Variants in AGO3 observed in about 807,000 individuals in gnomAD.
AGO3 encodes protein argonaute-3.
A neutral mutation model predicts 105.5 loss-of-function variants in AGO3; 16 were observed. The observed-to-expected ratio is 0.15, with a 90% confidence interval of 0.10 to 0.23. The LOEUF (loss-of-function observed/expected upper bound fraction) is 0.23, where lower values mean the gene tolerates loss of function less well. Among genes scored for constraint, AGO3 ranks in the 10% least tolerant of loss-of-function variants. The pLI is 1.00. For synonymous variants in AGO3, 340 were observed against 367.3 expected, an observed-to-expected ratio of 0.93 and a Z score of 0.85; for missense variants, 534 against 1,088.0, an observed-to-expected ratio of 0.49 and a Z score of 7.16.
intron 5 of AGO3, among the ~76,000 whole-genome samples, chr1:35,979,170 C>T (rs1647004912): frequency 1.3e-5 from 2 of 152,068 alleles, no homozygotes; most frequent in Non-Finnish European, 2.9e-5. Flanking sequence ...TGAGACCATC[C>T]TGGCTAACAC....
rs985675972 is a variant in AGO3, at chr1:36,040,122, A to C, written c.2037+138A>C. ...GTGTTTTGTTAGATTGTCTTTTTGA[A>C]AATGTTCACTACGAATGTGTATGCC... On this transcript the variant is annotated intron_variant, in intron 15 of 18. Coordinates refer to ENST00000373191, the MANE Select transcript of AGO3 (RefSeq NM_024852.4). 2.5e-6 allele frequency: 3 copies of C among 1,200,990 alleles called. No homozygotes were observed. In the African/African-American group the frequency reaches 4.6e-5, roughly 19 times the overall value. The allele number at this position is 1,200,990 out of a possible 1,614,324, so 74.4% of individuals were successfully genotyped here.
intron 5 of AGO3, among the ~76,000 whole-genome samples, chr1:35,989,132 A>C (rs950198762): frequency 3.9e-5 from 6 of 152,214 alleles, no homozygotes; most frequent in African/African-American, 1.4e-4. Flanking sequence ...GGAGGGATCC[A>C]TTGTAGTCTC....
rs780340958 is a variant in AGO3 at position 36,036,177 on chromosome 1, A to G, written c.1752A>G (p.Arg584=). The change falls in exon 14 of 19, where the codon AGA becomes AGG. Residue 584 remains arginine, a splice_region_variant and synonymous_variant. Transcript: ENST00000373191. ...GINNILVPHQ[R]PSVFQQPVIF... is the part of the protein sequence containing the mutation. ...AACCCTTTTTCAAAATGTGTTTAAG[A>G]CCTTCTGTGTTCCAGCAACCAGTGA... 3.1e-6 allele frequency: 5 copies of G among 1,613,970 alleles called. No homozygotes were observed. The Admixed American group carries it at 8.3e-5, about 27-fold the overall frequency.
chr1:35,935,504 T>A (rs1027465994), intron 1 of AGO3, among the ~76,000 whole-genome samples: 1 of 152,258 alleles, frequency 6.6e-6, no homozygotes, highest in African/African-American at 2.4e-5. Flanking sequence ...TTTGGAGAAT[T>A]GTATGTAATA....
chr1:35,971,154 A>G (rs1166005899), intron 3 of AGO3, among the ~76,000 whole-genome samples: 2 of 135,888 alleles, frequency 1.5e-5, no homozygotes, highest in African/African-American at 3.1e-5. Flanking sequence ...TATATAATAT[A>G]TATTTATTTT....
intron 6 of AGO3, 111 bp downstream of exon 6, chr1:36,004,586 A>G: frequency 1.1e-6 from 1 of 919,174 alleles, no homozygotes; most frequent in Non-Finnish European, 1.5e-6. Flanking sequence ...AACCAGTAAA[A>G]CTATACATCA....
chr1:36,030,050 G>C (rs1465114434), intron 12 of AGO3, among the ~76,000 whole-genome samples: 1 of 151,590 alleles, frequency 6.6e-6, no homozygotes, highest in Non-Finnish European at 1.5e-5. Context: ...AATAGAGTGT[G>C]GAAAATATTT....
At chr1:36,029,496 G>A (rs1017866666) in intron 12 of AGO3, among the ~76,000 whole-genome samples, 5 of 148,888 alleles carry the variant, frequency 3.4e-5, no homozygotes, top group South Asian at 2.1e-4. Flanking sequence ...CTGGGTTCAC[G>A]CCATTCTCCT....
chr1:36,061,118 G>C lies in AGO3; in HGVS notation c.*5373G>C, dbSNP rs1308730123. Reference sequence around the variant, plus strand: ...ATACTAAGAACATTCTTGATCCGTTGCAGTGTTAGAAATGACACTGTGATT... The same window carrying C: ...ATACTAAGAACATTCTTGATCCGTTCCAGTGTTAGAAATGACACTGTGATT... On this transcript the variant is annotated 3_prime_UTR_variant, in exon 19 of 19. Transcript: ENST00000373191. 1 of 152,236 alleles carries C rather than the reference G, an allele frequency of 6.6e-6. No homozygotes were observed. The highest frequency in any genetic ancestry group is 6.5e-5 in the Admixed American group (1 of 15,290). 9.4% of individuals were successfully genotyped at this position (152,236 alleles called of 1,614,324 possible).
At chr1:36,026,597 A>AC (rs1641515958) in intron 11 of AGO3, among the ~76,000 whole-genome samples, 3 of 152,348 alleles carry the variant, frequency 2.0e-5, no homozygotes. Context: ...CAGGAATAAT[A>AC]CCTGCCGTGC....
chr1:36,016,494 T>G (rs1263085652), intron 11 of AGO3, among the ~76,000 whole-genome samples: 1 of 152,196 alleles, frequency 6.6e-6, no homozygotes, highest in African/African-American at 2.4e-5. Context: ...GGTTACAGTT[T>G]ACGATGTTCA....
intron 17 of AGO3, among the ~76,000 whole-genome samples, chr1:36,050,786 T>TG (rs1642683074): frequency 7.2e-6 from 1 of 137,948 alleles, no homozygotes; most frequent in East Asian, 2.8e-4. Context: ...AGTGGGACTC[T>TG]ATCTCAAAAA....
In AGO3 at chr1:35,991,535, T is replaced by TTATATATA. The variant is rs138153778; in HGVS notation, c.659-12795_659-12788dup. On this transcript the variant is annotated intron_variant, in intron 5 of 18. Coordinates refer to ENST00000373191, the MANE Select transcript of AGO3 (RefSeq NM_024852.4). ...GAATAGGGTACCTGGGGAGCAAATT[T>TTATATATA]TATATATATATATATATAAAATATA... 7.8e-4 allele frequency among the ~76,000 whole-genome samples: 113 copies of TTATATATA among 145,752 alleles called. 1 individual carries two copies. The highest frequency in any genetic ancestry group is 2.8e-3 in the African/African-American group (111 of 39,926).
chr1:35,950,086 T>C (rs1646442950), intron 2 of AGO3, among the ~76,000 whole-genome samples: 2 of 152,122 alleles, frequency 1.3e-5, no homozygotes, highest in Non-Finnish European at 2.9e-5. Context: ...CTGCATGTGA[T>C]GGCGGGCGCC....
At chr1:36,046,419 C>T (rs1429107455) in intron 17 of AGO3, among the ~76,000 whole-genome samples, 1 of 151,930 alleles carries the variant, frequency 6.6e-6, no homozygotes, top group Non-Finnish European at 1.5e-5. Context: ...CGGCCAGGTG[C>T]GGTGGCTCAC....
At chr1:36,030,227 T>A (rs955374764) in intron 12 of AGO3, among the ~76,000 whole-genome samples, 6 of 152,084 alleles carry the variant, frequency 3.9e-5, no homozygotes, top group African/African-American at 1.4e-4. Flanking sequence ...ACAGGCCAGA[T>A]GCAGTGGCTT....
chr1:35,957,474 C>T (rs2148761172), intron 2 of AGO3, among the ~76,000 whole-genome samples: 1 of 151,826 alleles, frequency 6.6e-6, no homozygotes. Flanking sequence ...GCCTGTAATC[C>T]CAGCACTTTG....
chr1:35,941,650 C>G (rs541831226), intron 1 of AGO3, among the ~76,000 whole-genome samples: 1 of 152,102 alleles, frequency 6.6e-6, no homozygotes, highest in Non-Finnish European at 1.5e-5. Context: ...TAAAATGATT[C>G]CTTCCTTTAT....
At chr1:36,026,723 T>G (rs950277932) in intron 11 of AGO3, among the ~76,000 whole-genome samples, 7 of 152,194 alleles carry the variant, frequency 4.6e-5, no homozygotes, top group Non-Finnish European at 2.9e-5. Flanking sequence ...ATGATCTCAT[T>G]TAATCTTCAC....
Sources: allele counts gnomAD v4.1 joint callset (sites outside exome capture counted in the v4.1 genomes callset), GRCh38; gene constraint gnomAD v4.1.1; transcripts MANE v1.5; gene names NCBI Gene and HGNC (gene_info 2026-07-23, HGNC 2026-07-21).